The following TRHDE variants were observed in gnomAD, a reference collection of about 807,000 sequenced individuals.
TRHDE encodes thyrotropin releasing hormone degrading enzyme.
TRHDE carries 72 observed loss-of-function variants against 125.7 expected under a neutral mutation model. The ratio of observed to expected loss-of-function variants is 0.57; its 90% CI spans 0.47 to 0.70. TRHDE has a LOEUF of 0.70. Among genes scored for constraint, TRHDE ranks in the 30% least tolerant of loss-of-function variants. The pLI, the probability that TRHDE is intolerant of heterozygous loss-of-function variation, is 0.00. For synonymous variants in TRHDE, 509 were observed against 509.1 expected, an observed-to-expected ratio of 1.00 and a Z score of 0.00; for missense variants, 1,110 against 1,327.1, an observed-to-expected ratio of 0.84 and a Z score of 2.54.
intron 6 of TRHDE, among the ~76,000 whole-genome samples, chr12:72,536,925 A>G (rs1218929835): frequency 1.3e-5 from 2 of 152,028 alleles, no homozygotes; most frequent in Non-Finnish European, 1.5e-5. Context: ...CAGTAACTCT[A>G]AGAATTTCCT....
At chr12:72,576,394 G>A (rs908295464) in intron 12 of TRHDE, among the ~76,000 whole-genome samples, 12 of 151,836 alleles carry the variant, frequency 7.9e-5, no homozygotes, top group Admixed American at 2.6e-4. Context: ...TTTTTTTCAT[G>A]GGACCTGAAA....
At chr12:72,238,568 G>A (rs377497054) in intron 2 of TRHDE, among the ~76,000 whole-genome samples, 57 of 150,228 alleles carry the variant, frequency 3.8e-4, no homozygotes, top group Middle Eastern at 6.8e-3. Context: ...GGCAGGCCCC[G>A]GTGTATGATG....
intron 2 of TRHDE, among the ~76,000 whole-genome samples, chr12:72,226,693 T>C (rs1170411070): frequency 5.9e-5 from 9 of 152,172 alleles, no homozygotes; most frequent in African/African-American, 2.2e-4. Context: ...AGAATCATCA[T>C]TTAAATGTGC....
At chr12:72,388,922 A>G (rs1161379844) in intron 3 of TRHDE, among the ~76,000 whole-genome samples, 1 of 151,440 alleles carries the variant, frequency 6.6e-6, no homozygotes, top group African/African-American at 2.4e-5. Flanking sequence ...TTGTTTTTTT[A>G]AAAGAGAACA....
At chr12:72,581,089 C>T in intron 12 of TRHDE, among the ~76,000 whole-genome samples, 1 of 151,964 alleles carries the variant, frequency 6.6e-6, no homozygotes, top group East Asian at 1.9e-4. Context: ...AAACGTATGG[C>T]AGAACTATTA....
intron 3 of TRHDE, among the ~76,000 whole-genome samples, chr12:72,396,481 C>G (rs1042700739): frequency 3.3e-5 from 5 of 152,162 alleles, no homozygotes; most frequent in African/African-American, 1.2e-4. Context: ...TGCGATGGCT[C>G]ACACCTGTAA....
intron 2 of TRHDE, among the ~76,000 whole-genome samples, chr12:72,290,584 G>T (rs554046026): frequency 1.3e-5 from 2 of 152,250 alleles, no homozygotes; most frequent in South Asian, 4.1e-4. Context: ...ATAATGTCTG[G>T]GGCCTCAGAT....
At chr12:72,159,545 A>T (rs1382424470) in intron 2 of TRHDE, among the ~76,000 whole-genome samples, 1 of 152,190 alleles carries the variant, frequency 6.6e-6, no homozygotes, top group African/African-American at 2.4e-5. Context: ...CTTCAAGATG[A>T]TATATAATTA....
At chr12:72,530,886 C>A (rs1380232791) in intron 6 of TRHDE, among the ~76,000 whole-genome samples, 5 of 152,012 alleles carry the variant, frequency 3.3e-5, no homozygotes, top group Non-Finnish European at 7.4e-5. Flanking sequence ...CTAACTGCCT[C>A]TTTTGTCTAG....
In TRHDE at chr12:72,206,513, G is replaced by A. The variant is rs181752059; in HGVS notation, n.279+100761G>A. 4.2e-3 allele frequency among the ~76,000 whole-genome samples: 634 copies of A among 152,180 alleles called. 28 individuals are homozygous for A. The highest frequency in any genetic ancestry group is 0.04 in the Admixed American group (614 of 15,276). On this transcript the variant is annotated intron_variant and non_coding_transcript_variant, in intron 2 of 4. Coordinates refer to the TRHDE transcript ENST00000548156. ...ACCTCATAGTGCCTAGTACCTAGTA[G>A]GTGTTCAATGCATATTTATATATAA...
chr12:72,529,321 C>T (rs541831484), intron 6 of TRHDE, among the ~76,000 whole-genome samples: 1 of 152,102 alleles, frequency 6.6e-6, no homozygotes, highest in East Asian at 1.9e-4. Flanking sequence ...TACATATACT[C>T]AAGACCCAAA....
intron 3 of TRHDE, among the ~76,000 whole-genome samples, chr12:72,450,823 T>C (rs545643249): frequency 1.3e-5 from 2 of 152,276 alleles, no homozygotes; most frequent in South Asian, 4.1e-4. Flanking sequence ...CTTTTGTTTT[T>C]TCTGTAGTAG....
At chr12:72,500,849 CTTT>C (rs11314911) in intron 6 of TRHDE, among the ~76,000 whole-genome samples, 2,316 of 109,380 alleles carry the variant, frequency 0.021, 69 homozygotes, top group Admixed American at 0.1. Flanking sequence ...CAACTTTGTT[CTTT>C]TTTTTTTTTT....
At chr12:72,626,743 G>A (rs1319312788) in intron 15 of TRHDE, among the ~76,000 whole-genome samples, 1 of 151,778 alleles carries the variant, frequency 6.6e-6, no homozygotes, top group Non-Finnish European at 1.5e-5. Flanking sequence ...GTTCCTTTAT[G>A]TCTGATCCTT....
chr12:72,291,019 G>A (rs971716695), intron 2 of TRHDE, among the ~76,000 whole-genome samples: 7 of 152,158 alleles, frequency 4.6e-5, no homozygotes, highest in Non-Finnish European at 7.4e-5. Context: ...TAACACAGTC[G>A]GCTCTCTGCC....
intron 2 of TRHDE, chr12:72,253,565 T>C (rs1878737058): frequency 1.3e-5 from 2 of 152,034 alleles, no homozygotes; most frequent in South Asian, 2.1e-4. Context: ...GAAGATTGAG[T>C]AGAAGGTACA....
rs559938743 is a variant in TRHDE, at chr12:72,475,498, G to A, written c.1584+2318G>A. ...AAAGTGACAGCTTTTGATTGTTTTA[G>A]CATGGTAATATATCTTCAGTTTCAG... On this transcript the variant is annotated intron_variant, in intron 5 of 18. Coordinates refer to ENST00000261180, the MANE Select transcript of TRHDE (RefSeq NM_013381.3). Among the ~76,000 whole-genome samples the A allele has an allele frequency of 2.6e-5, 4 of 152,198 alleles. No individual in the cohort carries two copies. In the East Asian group the frequency reaches 7.7e-4, roughly 29 times the overall value.
intron 1 of TRHDE, among the ~76,000 whole-genome samples, chr12:72,093,608 A>T (rs1316505552): frequency 6.6e-6 from 1 of 151,868 alleles, no homozygotes; most frequent in South Asian, 2.1e-4. Context: ...CTGCTATTCA[A>T]GCTCTTTATT....
intron 15 of TRHDE, among the ~76,000 whole-genome samples, chr12:72,631,450 T>A (rs975318514): frequency 1.3e-5 from 2 of 151,874 alleles, no homozygotes; most frequent in African/African-American, 4.8e-5. Flanking sequence ...TAAGTGAGTA[T>A]CCTTTGTCAA....
Sources: gnomAD v4.1 joint callset for allele counts (sites outside exome capture counted in the v4.1 genomes callset) on GRCh38, gnomAD v4.1.1 for gene constraint, MANE v1.5 for transcripts, NCBI Gene and HGNC (gene_info 2026-07-23, HGNC 2026-07-21) for gene names.